Variants in ATP8A1 observed in about 807,000 individuals in gnomAD.
The protein encoded by ATP8A1 is ATPase phospholipid transporting 8A1.
A neutral mutation model predicts 177.7 loss-of-function variants in ATP8A1; 90 were observed. The observed-to-expected ratio is 0.51, with a 90% confidence interval of 0.43 to 0.60. ATP8A1 has a LOEUF of 0.60. Ranked by LOEUF, ATP8A1 falls within the 20% of genes least tolerant of loss-of-function variation. The pLI is 0.00. For synonymous variants in ATP8A1, 493 were observed against 485.9 expected, an observed-to-expected ratio of 1.01 and a Z score of -0.19; for missense variants, 1,072 against 1,392.8, an observed-to-expected ratio of 0.77 and a Z score of 3.67.
chr4:42,527,073 G>A (rs1009003507), intron 20 of ATP8A1, among the ~76,000 whole-genome samples: 3 of 152,238 alleles, frequency 2.0e-5, no homozygotes, highest in Non-Finnish European at 4.4e-5. Flanking sequence ...TTGCTCCTAA[G>A]TTCAGTGGAC....
chr4:42,548,100 C>T (rs778155945), intron 19 of ATP8A1, among the ~76,000 whole-genome samples: 11 of 152,176 alleles, frequency 7.2e-5, no homozygotes, highest in Non-Finnish European at 1.5e-4. Flanking sequence ...CTGAAGGGAT[C>T]TATTATTCGA....
chr4:42,653,513 C>T (rs920720708), intron 1 of ATP8A1, among the ~76,000 whole-genome samples: 1 of 152,128 alleles, frequency 6.6e-6, no homozygotes, highest in African/African-American at 2.4e-5. Flanking sequence ...CTCACTGTTC[C>T]ACTCTAATAC....
At chr4:42,578,155 C>G in intron 12 of ATP8A1, 105 bp downstream of exon 12, 1 of 1,111,276 alleles carries the variant, frequency 9.0e-7, no homozygotes, top group Non-Finnish European at 1.2e-6. Flanking sequence ...ATACTGTGGT[C>G]AAGAAACGGT....
At chr4:42,481,190 C>G (rs1047836124) in intron 25 of ATP8A1, among the ~76,000 whole-genome samples, 8 of 152,140 alleles carry the variant, frequency 5.3e-5, no homozygotes, top group Non-Finnish European at 8.8e-5. Flanking sequence ...TTAAGCTGAT[C>G]CCAGCAGTAG....
intron 22 of ATP8A1, among the ~76,000 whole-genome samples, chr4:42,521,629 G>T (rs1578098777): frequency 6.6e-6 from 1 of 152,068 alleles, no homozygotes; most frequent in Admixed American, 6.6e-5. Flanking sequence ...TGTCACAATG[G>T]TTTCTTTATC....
At chr4:42,472,616 C>T (rs74604451) in intron 25 of ATP8A1, among the ~76,000 whole-genome samples, 25,452 of 151,696 alleles carry the variant, frequency 0.17, 2,386 homozygotes, top group South Asian at 0.24. Flanking sequence ...TGGTGATGTG[C>T]GCCCATAATC....
At chr4:42,436,954 C>G (rs1239304576) in intron 33 of ATP8A1, among the ~76,000 whole-genome samples, 1 of 152,200 alleles carries the variant, frequency 6.6e-6, no homozygotes, top group Non-Finnish European at 1.5e-5. Context: ...ACCTTTCCTA[C>G]AGGGCTGACA....
chr4:42,517,173 C>T (rs1440911878), intron 22 of ATP8A1, among the ~76,000 whole-genome samples: 2 of 151,444 alleles, frequency 1.3e-5, no homozygotes, highest in South Asian at 2.1e-4. Context: ...TGGTGGCGGG[C>T]GCCTGTAGTC....
At chr4:42,482,821 G>A (rs185979260) in intron 25 of ATP8A1, among the ~76,000 whole-genome samples, 151 of 152,294 alleles carry the variant, frequency 9.9e-4, no homozygotes, top group Non-Finnish European at 1.9e-3. Context: ...TGCAGAGGAA[G>A]ATCAGATTCT....
rs184400501 is a variant in ATP8A1, at chr4:42,626,574, C to T, written c.164+421G>A. The stretch of plus-strand genomic sequence containing the variant: ...CAGCCCTCCATTCCTCCACACCATA[C>T]TAAACTTCACAACTATCAAAAACCA... On this transcript the variant is annotated intron_variant, in intron 2 of 36. Transcript: ENST00000381668. The T allele has an allele frequency of 3.7e-3, 731 of 199,072 alleles. 2 individuals are homozygous for T. Among genetic ancestry groups the T allele is most frequent in the Admixed American group, 5.8e-3 (101 of 17,528 alleles). 12.3% of individuals were successfully genotyped at this position (199,072 alleles called of 1,614,324 possible).
At chr4:42,490,894 A>G (rs932768105) in intron 24 of ATP8A1, among the ~76,000 whole-genome samples, 30 of 152,274 alleles carry the variant, frequency 2.0e-4, no homozygotes, top group African/African-American at 7.0e-4. Context: ...TAGCTTATCT[A>G]TTTATATGTC....
chr4:42,559,552 G>T (rs1389237688), intron 15 of ATP8A1, among the ~76,000 whole-genome samples: 1 of 152,126 alleles, frequency 6.6e-6, no homozygotes, highest in Non-Finnish European at 1.5e-5. Context: ...AATTCTAAAA[G>T]AAAAGCAATT....
chr4:42,499,345 C>T (rs1723588475), intron 24 of ATP8A1, among the ~76,000 whole-genome samples: 1 of 152,018 alleles, frequency 6.6e-6, no homozygotes, highest in South Asian at 2.1e-4. Flanking sequence ...GAAAGCCTGG[C>T]AGTACAGAAA....
intron 1 of ATP8A1, among the ~76,000 whole-genome samples, chr4:42,638,278 A>G (rs1394889130): frequency 6.6e-6 from 1 of 152,256 alleles, no homozygotes; most frequent in African/African-American, 2.4e-5. Context: ...AAAAATAAAC[A>G]AGTGTAAAAC....
chr4:42,605,036 T>G (rs1735654784), intron 5 of ATP8A1, among the ~76,000 whole-genome samples: 1 of 152,202 alleles, frequency 6.6e-6, no homozygotes, highest in African/African-American at 2.4e-5. Flanking sequence ...AGACTGACTG[T>G]TTACATGTAT....
chr4:42,617,795 GAGCATCTCTTTCCTC>G (rs1402712894), intron 4 of ATP8A1, among the ~76,000 whole-genome samples: 1 of 152,178 alleles, frequency 6.6e-6, no homozygotes, highest in African/African-American at 2.4e-5. Flanking sequence ...TCTTGCACAA[GAGCATCTCTTTCCTC>G]TATCTTCCCA....
At chr4:42,446,558 A>C (rs761307701) in intron 31 of ATP8A1, 25 bp downstream of exon 31, 17 of 1,608,616 alleles carry the variant, frequency 1.1e-5, no homozygotes, top group Admixed American at 1.7e-5. Context: ...TTTACACGCA[A>C]ACGAGACCGA....
At chr4:42,481,996 C>G (rs1208358650) in intron 25 of ATP8A1, among the ~76,000 whole-genome samples, 1 of 152,118 alleles carries the variant, frequency 6.6e-6, no homozygotes. Flanking sequence ...AGAAGCTGCA[C>G]AGTATCTATG....
chr4:42,653,948 C>T (rs950985160), intron 1 of ATP8A1, among the ~76,000 whole-genome samples: 1 of 152,232 alleles, frequency 6.6e-6, no homozygotes, highest in Non-Finnish European at 1.5e-5. Context: ...ACTCTCCTAA[C>T]TACAGAAATA....
Sources: allele counts gnomAD v4.1 joint callset (sites outside exome capture counted in the v4.1 genomes callset), GRCh38; gene constraint gnomAD v4.1.1; transcripts MANE v1.5; gene names NCBI Gene and HGNC (gene_info 2026-07-23, HGNC 2026-07-21).